BCAS3: variants seen among roughly 807,000 people sequenced by gnomAD.
The protein encoded by BCAS3 is BCAS4/BCAS3 fusion.
A neutral mutation model predicts 116.1 loss-of-function variants in BCAS3; 53 were observed. The ratio of observed to expected loss-of-function variants is 0.46; its 90% CI spans 0.37 to 0.57. The LOEUF is 0.57. BCAS3 is among the 20% of genes least tolerant of loss of function. BCAS3 has a pLI of 0.00. For synonymous variants in BCAS3, 391 were observed against 408.2 expected (o/e 0.96, Z 0.51); for missense variants, 917 against 1,165.4 (o/e 0.79, Z 3.10).
chr17:61,302,771 T>C lies in BCAS3; in HGVS notation c.2426-65556T>C, dbSNP rs2053556375. 6.6e-6 allele frequency among the ~76,000 whole-genome samples: 1 copy of C among 152,202 alleles called. No homozygotes were observed. Among genetic ancestry groups the C allele is most frequent in the African/African-American group, 2.4e-5 (1 of 41,448 alleles). On this transcript the variant is annotated intron_variant, in intron 22 of 23. Transcript: ENST00000407086. This position sits in a 1 kb window ranked among gnomAD's most constrained non-coding sequence, Gnocchi z 4.4. The stretch of plus-strand genomic sequence containing the variant: ...CAGCTACGGCCTCTGGATGTGTTTT[T>C]ATCTAAGAGAATCCTACAGTAGTTC...
intron 6 of BCAS3, among the ~76,000 whole-genome samples, chr17:60,758,225 A>G (rs1037422276): frequency 3.9e-5 from 6 of 152,042 alleles, no homozygotes; most frequent in African/African-American, 1.2e-4. Context: ...AAATTGCTCT[A>G]TTTGGGCTCT....
At chr17:61,165,275 G>T (rs2078421000) in intron 22 of BCAS3, among the ~76,000 whole-genome samples, 1 of 152,208 alleles carries the variant, frequency 6.6e-6, no homozygotes, top group African/African-American at 2.4e-5. Flanking sequence ...AAAGAAGCCA[G>T]ATCCTTTCCT....
chr17:60,879,239 A>C (rs2055893308), intron 9 of BCAS3, among the ~76,000 whole-genome samples: 1 of 152,200 alleles, frequency 6.6e-6, no homozygotes, highest in South Asian at 2.1e-4. Flanking sequence ...ATCTCCACTT[A>C]ATGAGGTTGT....
intron 6 of BCAS3, among the ~76,000 whole-genome samples, chr17:60,772,708 T>A (rs1010024220): frequency 6.6e-6 from 1 of 152,182 alleles, no homozygotes; most frequent in African/African-American, 2.4e-5. Context: ...GGCAAAACCC[T>A]GTCTCTAGCA....
rs141356112 is a variant in BCAS3, at chr17:60,898,817, G to A, written c.739-3803G>A. Among the ~76,000 whole-genome samples the A allele has an allele frequency of 3.1e-4, 47 of 152,168 alleles. No individual in the cohort carries two copies. The East Asian group carries it at 9.1e-3, about 29-fold the overall frequency. Reference sequence around the variant, plus strand: ...AAGATAATTATTTTTGTTCCTAGTGGCGTGTGTTGATGTTGGTGGTGGCTG... The same window carrying A: ...AAGATAATTATTTTTGTTCCTAGTGACGTGTGTTGATGTTGGTGGTGGCTG... On this transcript the variant is annotated intron_variant, in intron 10 of 23. Coordinates refer to ENST00000407086, the MANE Select transcript of BCAS3 (RefSeq NM_017679.5).
chr17:60,721,051 A>AT (rs1437465393), intron 5 of BCAS3, among the ~76,000 whole-genome samples: 4 of 152,200 alleles, frequency 2.6e-5, no homozygotes, highest in Admixed American at 2.6e-4. Flanking sequence ...TAGAGCAAAT[A>AT]TGCAAGGGCA....
chr17:60,745,814 G>A (rs1001701168), intron 5 of BCAS3, among the ~76,000 whole-genome samples: 11 of 152,028 alleles, frequency 7.2e-5, no homozygotes, highest in African/African-American at 2.2e-4. Context: ...ATAATTTGTA[G>A]TAATTATCAT....
chr17:60,986,062 C>G (rs1192397858), intron 14 of BCAS3, among the ~76,000 whole-genome samples: 1 of 152,164 alleles, frequency 6.6e-6, no homozygotes, highest in African/African-American at 2.4e-5. Flanking sequence ...CGTTTTAGAT[C>G]CCACAAATAA....
rs993859164 is a variant in BCAS3, at chr17:61,235,031, G to A, written c.2426-133296G>A. Among the ~76,000 whole-genome samples, 1 of 152,118 alleles carries A rather than the reference G, an allele frequency of 6.6e-6. No individual in the cohort carries two copies. The highest frequency in any genetic ancestry group is 1.5e-5 in the Non-Finnish European group (1 of 68,024). On this transcript the variant is annotated intron_variant, in intron 22 of 23. Transcript: ENST00000407086. This position sits in a 1 kb window ranked among gnomAD's most constrained non-coding sequence, Gnocchi z 5.0. ...GCCTCCCGAGTAGCTGGGACTATAG[G>A]CGCACGCCACCACTCCTGGCTAAGT...
rs75937628 is a variant in BCAS3 at position 61,070,401 on chromosome 17, C to G, written c.2030-4519C>G. On this transcript the variant is annotated intron_variant, in intron 19 of 23. Coordinates refer to ENST00000407086, the MANE Select transcript of BCAS3 (RefSeq NM_017679.5). Reference sequence around the variant, plus strand: ...TATATATATATATATATATATATATCTTTTCACCATTTAAAAAAAATAGAA... The same window carrying G: ...TATATATATATATATATATATATATGTTTTCACCATTTAAAAAAAATAGAA... 6.0e-5 allele frequency: 5 copies of G among 82,942 alleles called. 1 individual carries two copies. Among genetic ancestry groups the G allele is most frequent in the Non-Finnish European group, 1.2e-4 (5 of 41,044 alleles). 5.1% of individuals were successfully genotyped at this position (82,942 alleles called of 1,614,324 possible).
intron 8 of BCAS3, among the ~76,000 whole-genome samples, chr17:60,872,716 C>T (rs1350465446): frequency 6.6e-6 from 1 of 150,624 alleles, no homozygotes; most frequent in Non-Finnish European, 1.5e-5. Flanking sequence ...TGTATATACA[C>T]ATATACACAC....
At chr17:61,116,861 G>C (rs997420486) in intron 22 of BCAS3, among the ~76,000 whole-genome samples, 12 of 152,110 alleles carry the variant, frequency 7.9e-5, no homozygotes, top group Admixed American at 2.6e-4. Context: ...GATGTTAATT[G>C]AAGTTTTTTT....
chr17:61,054,891 A>G (rs866923951), intron 19 of BCAS3, among the ~76,000 whole-genome samples: 2 of 152,198 alleles, frequency 1.3e-5, no homozygotes, highest in Middle Eastern at 3.2e-3. Flanking sequence ...TGGATTAACA[A>G]ATTTGGCTGG....
chr17:61,048,386 T>C (rs1231972390), intron 19 of BCAS3, among the ~76,000 whole-genome samples: 1 of 152,024 alleles, frequency 6.6e-6, no homozygotes, highest in Admixed American at 6.6e-5. Context: ...AGACAAGCCC[T>C]GCACTTGCCT....
chr17:60,873,780 A>G (rs1282413498), intron 8 of BCAS3, among the ~76,000 whole-genome samples: 1 of 152,228 alleles, frequency 6.6e-6, no homozygotes, highest in African/African-American at 2.4e-5. Context: ...TGGGTTACAT[A>G]AATCCATTTT....
In BCAS3 at chr17:61,077,575, C is replaced by G. The variant is rs1044674634; in HGVS notation, c.2131-758C>G. Among the ~76,000 whole-genome samples, 4 of 152,162 alleles carry G rather than the reference C, an allele frequency of 2.6e-5. No homozygotes were observed. Among genetic ancestry groups the G allele is most frequent in the Admixed American group, 2.0e-4 (3 of 15,290 alleles). On this transcript the variant is annotated intron_variant, in intron 20 of 23. Coordinates refer to ENST00000407086, the MANE Select transcript of BCAS3 (RefSeq NM_017679.5). This position sits in a 1 kb window ranked among gnomAD's most constrained non-coding sequence, Gnocchi z 4.3. The stretch of plus-strand genomic sequence containing the variant: ...ATATTGGCAACATTCCCTATCCCCC[C>G]CATTGAGCGTGAAATTCATAAAGCA...
Position 61,388,606 on chromosome 17 carries a change from T to G in BCAS3, c.2594-3371T>G. ...TTCCAAAAAGATTCCTCAATGCTTT[T>G]CTTTTCAAAAGGGAAAAAAAAAGGA... On this transcript the variant is annotated intron_variant, in intron 23 of 23. Transcript: ENST00000407086. This position sits in a 1 kb window ranked among gnomAD's most constrained non-coding sequence, Gnocchi z 6.5. The G allele has an allele frequency of 6.5e-7, 1 of 1,532,978 alleles. No individual in the cohort carries two copies. Among genetic ancestry groups the G allele is most frequent in the Non-Finnish European group, 8.7e-7 (1 of 1,146,212 alleles). 95.0% of individuals were successfully genotyped at this position (1,532,978 alleles called of 1,614,324 possible). A position where few individuals can be genotyped will look rare whatever the true frequency, so the allele number is the denominator to read the frequency against.
intron 19 of BCAS3, among the ~76,000 whole-genome samples, chr17:61,052,618 C>A (rs938228863): frequency 2.0e-5 from 3 of 151,986 alleles, no homozygotes; most frequent in African/African-American, 4.8e-5. Context: ...CTTACTGTAA[C>A]CTGACTTCGA....
chr17:61,214,491 T>G lies in BCAS3; in HGVS notation c.2425+129927T>G, dbSNP rs1211247946. 6.6e-6 allele frequency among the ~76,000 whole-genome samples: 1 copy of G among 151,594 alleles called. No individual in the cohort carries two copies. Among genetic ancestry groups the G allele is most frequent in the East Asian group, 1.9e-4 (1 of 5,162 alleles). ...CAAGGTCAGGAGATGGAGATCATCCTGGCTAACATGGTGAAACCCCGTCTC... is the reference window on the plus strand; with the variant it reads ...CAAGGTCAGGAGATGGAGATCATCCGGGCTAACATGGTGAAACCCCGTCTC... On this transcript the variant is annotated intron_variant, in intron 22 of 23. Transcript: ENST00000407086. The surrounding 1 kb of genome is among the most constrained non-coding windows in gnomAD (Gnocchi z 4.4).
Sources: allele counts gnomAD v4.1 joint callset (sites outside exome capture counted in the v4.1 genomes callset), GRCh38; gene constraint gnomAD v4.1.1; non-coding constraint Gnocchi (gnomAD v3.1); transcripts MANE v1.5; gene names NCBI Gene and HGNC (gene_info 2026-07-23, HGNC 2026-07-21).